NUP107: variants seen among roughly 807,000 people sequenced by gnomAD.
NUP107 encodes nuclear pore complex protein Nup107.
NUP107 carries 101 observed loss-of-function variants against 141.0 expected under a neutral mutation model. That is an observed-to-expected ratio of 0.72 (90% CI 0.61 to 0.84). NUP107 has a LOEUF of 0.84. Ranked by LOEUF, NUP107 falls within the 40% of genes least tolerant of loss-of-function variation. The probability of loss-of-function intolerance (pLI) is 0.00; values close to 1 mark genes in which losing one functional copy is unlikely to be tolerated. For synonymous variants in NUP107, 319 were observed against 363.9 expected, an observed-to-expected ratio of 0.88 and a Z score of 1.41; for missense variants, 941 against 1,102.7, an observed-to-expected ratio of 0.85 and a Z score of 2.08.
intron 8 of NUP107, chr12:68,706,935 G>T: frequency 2.9e-6 from 2 of 688,714 alleles, no homozygotes; most frequent in East Asian, 2.6e-5. Context: ...CTCAGCTACA[G>T]CCTGGACTCC....
chr12:68,719,652 G>C lies in NUP107; in HGVS notation c.1249G>C (p.Asp417His). ...AATAAGTTGCTGGAGAATGGCAGAAGATGTAAGATAAATAAAATATTCAGT... is the reference window on the plus strand; with the variant it reads ...AATAAGTTGCTGGAGAATGGCAGAACATGTAAGATAAATAAAATATTCAGT... ...WKISCWRMAE[D>H]ELFNRYERAI... The change falls in exon 14 of 28, where the codon GAT (aspartate) becomes CAT (histidine). Residue 417 changes from aspartate (D) to histidine (H), a missense_variant and splice_region_variant. Coordinates refer to ENST00000229179, the MANE Select transcript of NUP107 (RefSeq NM_020401.4). The C allele has an allele frequency of 6.3e-7, 1 of 1,598,344 alleles. No homozygotes were observed. Among genetic ancestry groups the C allele is most frequent in the Non-Finnish European group, 8.6e-7 (1 of 1,165,816 alleles).
rs777937773 is a variant in NUP107, at chr12:68,696,890, G to A, written c.520G>A (p.Val174Met). The A allele has an allele frequency of 5.6e-6, 9 of 1,607,262 alleles. No individual in the cohort carries two copies. The African/African-American group carries it at 9.4e-5, about 17-fold the overall frequency. ...CTCTTCGAGTACAGTTTTTGATCTT[G>A]TGGAAGAGTATGAAAACATCTGTGG... is the stretch of plus-strand genomic sequence containing the variant. ...KHSSSTVFDL[V>M]EEYENICGSQ... is the part of the protein sequence containing the mutation. The change falls in exon 6 of 28, where the codon GTG becomes ATG. Residue 174 changes from valine to methionine, a missense_variant. Coordinates refer to ENST00000229179, the MANE Select transcript of NUP107 (RefSeq NM_020401.4).
At chr12:68,705,140 T>C (rs920977407) in intron 8 of NUP107, among the ~76,000 whole-genome samples, 8 of 152,184 alleles carry the variant, frequency 5.3e-5, no homozygotes, top group African/African-American at 1.9e-4. Flanking sequence ...CTTAAAATAT[T>C]TTTTAATATC....
intron 3 of NUP107, chr12:68,689,824 T>C (rs1875693460): frequency 2.1e-6 from 1 of 476,100 alleles, no homozygotes; most frequent in Non-Finnish European, 3.7e-6. Flanking sequence ...ACATGGGTAT[T>C]GTTGGCCCTG....
Position 68,710,041 on chromosome 12 carries a change from G to T in NUP107, c.838G>T (p.Glu280Ter). Residue 280 changes from glutamate to a stop codon, truncating the protein, a stop_gained, in exon 10 of 28, where the codon GAA becomes TAA. Coordinates refer to ENST00000229179, the MANE Select transcript of NUP107 (RefSeq NM_020401.4). LOFTEE classifies it high-confidence loss of function. ...TTGGTTAGAGAGTATTGCCAAAGAT[G>T]AAATTGGAGAATTTTCTGATAATAT... is the stretch of plus-strand genomic sequence containing the variant. The part of the protein sequence containing the change: ...VDWLESIAKD[E>*]IGEFSDNIEF... 6.2e-7 allele frequency: 1 copy of T among 1,600,592 alleles called. No homozygotes were observed. Among genetic ancestry groups the T allele is most frequent in the Non-Finnish European group, 8.5e-7 (1 of 1,169,646 alleles).
chr12:68,710,093 G>A lies in NUP107; in HGVS notation c.890G>A (p.Trp297Ter). 1.4e-6 allele frequency: 2 copies of A among 1,447,024 alleles called. No individual in the cohort carries two copies. The highest frequency in any genetic ancestry group is 9.7e-7 in the Non-Finnish European group (1 of 1,034,788). 89.6% of individuals were successfully genotyped at this position (1,447,024 alleles called of 1,614,324 possible). A position where few individuals can be genotyped will look rare whatever the true frequency, so the allele number is the denominator to read the frequency against. Residue 297 changes from tryptophan (W) to a stop codon, truncating the protein, a stop_gained and splice_region_variant, in exon 10 of 28, where the codon TGG becomes TAG. Coordinates refer to ENST00000229179, the MANE Select transcript of NUP107 (RefSeq NM_020401.4). LOFTEE classifies it high-confidence loss of function. ...NIEFYAKSVY[W>*]ENTLHTLKQR... ...GAGTTTTATGCAAAATCAGTATATT[G>A]GTAAGTTACCAAACTTTAATTCTTA...
At chr12:68,739,206 C>T (rs1397950564) in intron 26 of NUP107, among the ~76,000 whole-genome samples, 1 of 152,240 alleles carries the variant, frequency 6.6e-6, no homozygotes, top group Admixed American at 6.5e-5. Flanking sequence ...TACACACACA[C>T]ACACCTGTCC....
intron 10 of NUP107, 123 bp downstream of exon 10, chr12:68,710,216 G>A: frequency 7.2e-6 from 4 of 555,122 alleles, no homozygotes; most frequent in South Asian, 2.1e-5. Flanking sequence ...TTTGTTTGGT[G>A]TGTGAGCAAA....
At chr12:68,708,465 G>C (rs1876697612) in intron 8 of NUP107, among the ~76,000 whole-genome samples, 1 of 152,012 alleles carries the variant, frequency 6.6e-6, no homozygotes, top group Non-Finnish European at 1.5e-5. Context: ...GCTAATATTT[G>C]TATTAAATTG....
intron 1 of NUP107, among the ~76,000 whole-genome samples, chr12:68,688,484 CTGTT>C (rs1325340964): frequency 6.6e-6 from 1 of 152,130 alleles, no homozygotes; most frequent in Non-Finnish European, 1.5e-5. Context: ...CTCACAAGCT[CTGTT>C]TGTTGTTGTT....
At chr12:68,717,775 A>G (rs1877175937) in intron 12 of NUP107, among the ~76,000 whole-genome samples, 1 of 152,224 alleles carries the variant, frequency 6.6e-6, no homozygotes, top group Non-Finnish European at 1.5e-5. Flanking sequence ...TTCACTTAGC[A>G]TAATGTTTTC....
Position 68,702,727 on chromosome 12 carries a change from T to G in NUP107, c.681-9T>G. 6.5e-7 allele frequency: 1 copy of G among 1,530,038 alleles called. No homozygotes were observed. Among genetic ancestry groups the G allele is most frequent in the African/African-American group, 1.4e-5 (1 of 70,806 alleles). The allele number at this position is 1,530,038 out of a possible 1,614,324, so 94.8% of individuals were successfully genotyped here. ...TAAGGCTTTTTTATTTTGTCTTATT[T>G]TTCCCCAGAGACAGAATACAGTCTG... On this transcript the variant is annotated splice_polypyrimidine_tract_variant and intron_variant, in intron 7 of 27. Transcript: ENST00000229179.
chr12:68,728,130 T>A (rs943626519), intron 20 of NUP107, among the ~76,000 whole-genome samples: 3 of 151,652 alleles, frequency 2.0e-5, no homozygotes, highest in African/African-American at 4.8e-5. Context: ...CTACAAAAAA[T>A]TTTTTTAAAT....
intron 4 of NUP107, among the ~76,000 whole-genome samples, chr12:68,691,373 T>C (rs190533037): frequency 6.6e-6 from 1 of 152,236 alleles, no homozygotes; most frequent in African/African-American, 2.4e-5. Context: ...GGTTAACAGA[T>C]GAAGAATATC....
At chr12:68,693,560 T>C (rs1592491968) in intron 5 of NUP107, among the ~76,000 whole-genome samples, 2 of 152,146 alleles carry the variant, frequency 1.3e-5, no homozygotes, top group South Asian at 4.1e-4. Flanking sequence ...CTTGGCAGGG[T>C]TGGTTTTCTC....
At chr12:68,734,978 G>A in intron 25 of NUP107, 145 bp downstream of exon 25, 1 of 1,003,344 alleles carries the variant, frequency 1.0e-6, no homozygotes, top group South Asian at 1.8e-5. Context: ...GATGCAATCT[G>A]TTTAGTTACT....
At chr12:68,706,365 TG>T in intron 8 of NUP107, 1 of 1,376,010 alleles carries the variant, frequency 7.3e-7, no homozygotes, top group Non-Finnish European at 1.0e-6. Flanking sequence ...GACACATCTG[TG>T]GTGCTGTCCA....
intron 25 of NUP107, 92 bp downstream of exon 25, chr12:68,734,925 C>T (rs1330425731): frequency 2.1e-5 from 28 of 1,362,876 alleles, no homozygotes; most frequent in Admixed American, 9.0e-5. Context: ...AACTATCTTT[C>T]GATCATAACA....
intron 17 of NUP107, 70 bp downstream of exon 17, chr12:68,722,222 T>C (rs1221409057): frequency 7.8e-7 from 1 of 1,289,270 alleles, no homozygotes; most frequent in Non-Finnish European, 1.1e-6. Flanking sequence ...GCACTGTAGC[T>C]GAAAGGAAAA....
Sources: gnomAD v4.1 joint callset for allele counts (sites outside exome capture counted in the v4.1 genomes callset) on GRCh38, gnomAD v4.1.1 for gene constraint, MANE v1.5 for transcripts, NCBI Gene and HGNC (gene_info 2026-07-23, HGNC 2026-07-21) for gene names.